FREM2: variants seen among roughly 807,000 people sequenced by gnomAD.
The protein encoded by FREM2 is FRAS1-related extracellular matrix protein 2.
Under a neutral mutation model 219.9 loss-of-function variants are expected in FREM2, and 119 were observed. The observed-to-expected ratio is 0.54, with a 90% CI of 0.47 to 0.63. FREM2 has a LOEUF of 0.63. Ranked by LOEUF, FREM2 falls within the 30% of genes least tolerant of loss-of-function variation. The pLI is 0.00. For synonymous variants in FREM2, 1,562 were observed against 1,522.8 expected, an observed-to-expected ratio of 1.03 and a Z score of -0.60; for missense variants, 4,030 against 3,993.6, an observed-to-expected ratio of 1.01 and a Z score of -0.25.
chr13:38,856,081 A>G (rs1024126976), intron 11 of FREM2, 45 bp from the exon 12 acceptor site: 53 of 1,414,364 alleles, frequency 3.7e-5, no homozygotes, highest in Non-Finnish European at 5.0e-5. Context: ...AAAACTTCTC[A>G]TATTCATATG....
intron 4 of FREM2, among the ~76,000 whole-genome samples, chr13:38,774,046 C>G (rs910147964): frequency 6.6e-6 from 1 of 151,606 alleles, no homozygotes; most frequent in African/African-American, 2.4e-5. Context: ...TAGAGCTCTT[C>G]TTTCCCCTGA....
chr13:38,782,370 A>G (rs2496406), intron 4 of FREM2, among the ~76,000 whole-genome samples: 93,090 of 151,910 alleles, frequency 0.61, 28,960 homozygotes, highest in Non-Finnish European at 0.64. Context: ...TTATTATTTA[A>G]CATGCCCTTT....
chr13:38,822,380 C>T (rs80234526), intron 6 of FREM2, among the ~76,000 whole-genome samples: 4,028 of 133,934 alleles, frequency 0.03, 89 homozygotes, highest in Non-Finnish European at 0.048. Context: ...TTAAGAATCA[C>T]ACTTATTCAG....
intron 4 of FREM2, among the ~76,000 whole-genome samples, chr13:38,776,928 A>G (rs1873893264): frequency 6.6e-6 from 1 of 152,108 alleles, no homozygotes; most frequent in Non-Finnish European, 1.5e-5. Context: ...TATTTCTATA[A>G]TGTAGCCCTT....
chr13:38,874,543 G>A lies in FREM2; in HGVS notation c.8238G>A (p.Lys2746=). The A allele has an allele frequency of 3.7e-6, 6 of 1,614,162 alleles. No homozygotes were observed. Among genetic ancestry groups the A allele is most frequent in the Non-Finnish European group, 4.2e-6 (5 of 1,180,002 alleles). The change falls in exon 18 of 24, where the codon AAG becomes AAA. Residue 2746 remains lysine (K), a synonymous_variant. Transcript: ENST00000280481. ...AGGGGCGCTTGGCCGTGCACTTCAA[G>A]ACAGAGGCTCAGTTCCATGGCTTAT... ...GDEGRLAVHF[K]TEAQFHGLFV...
In FREM2 at chr13:38,851,871, A is replaced by T; in HGVS notation, c.6925+3A>T. On this transcript the variant is annotated splice_donor_region_variant and intron_variant, in intron 11 of 23. Coordinates refer to ENST00000280481, the MANE Select transcript of FREM2 (RefSeq NM_207361.6). ...AGACTACCACCCTGTGTCAGAAGGT[A>T]TGGGGCTCCCAGGGCCTGTCTCCTG... 6.2e-7 allele frequency: 1 copy of T among 1,613,186 alleles called. No homozygotes were observed. Among genetic ancestry groups the T allele is most frequent in the Non-Finnish European group, 8.5e-7 (1 of 1,179,442 alleles).
intron 16 of FREM2, among the ~76,000 whole-genome samples, chr13:38,865,167 TAGTC>T (rs1877916992): frequency 2.0e-5 from 3 of 152,198 alleles, no homozygotes; most frequent in Admixed American, 1.3e-4. Flanking sequence ...ATCATTAACA[TAGTC>T]AGAAGTGTTT....
At chr13:38,862,799 GA>G (rs34825901) in intron 15 of FREM2, among the ~76,000 whole-genome samples, 8 of 150,750 alleles carry the variant, frequency 5.3e-5, no homozygotes, top group South Asian at 4.2e-4. Context: ...AATGTTTGGG[GA>G]AAAAAAAAGA....
At chr13:38,702,783 A>G (rs1174594454) in intron 2 of FREM2, among the ~76,000 whole-genome samples, 1 of 152,152 alleles carries the variant, frequency 6.6e-6, no homozygotes, top group Non-Finnish European at 1.5e-5. Context: ...TGACATAGGC[A>G]TGCAGTCTCA....
intron 2 of FREM2, among the ~76,000 whole-genome samples, chr13:38,715,571 C>A (rs1447334527): frequency 6.6e-6 from 1 of 151,952 alleles, no homozygotes; most frequent in Non-Finnish European, 1.5e-5. Flanking sequence ...GATTTTTAAT[C>A]TACCCAACAA....
At chr13:38,857,153 G>T (rs1271227788) in intron 12 of FREM2, among the ~76,000 whole-genome samples, 1 of 151,972 alleles carries the variant, frequency 6.6e-6, no homozygotes, top group Non-Finnish European at 1.5e-5. Flanking sequence ...AAATTCTTTT[G>T]GGTGAAAAGG....
At position 38,881,632 on chromosome 13, in the gene FREM2, A is replaced by T. The variant is rs1878553302; in HGVS notation, c.*845A>T. On this transcript the variant is annotated 3_prime_UTR_variant, in exon 24 of 24. Transcript: ENST00000280481. The stretch of plus-strand genomic sequence containing the variant: ...TGATGAATAAATGCCATAGAGTTAG[A>T]GTCACTACAAGACAATGTTCTCTAA... The T allele has an allele frequency of 6.6e-6, 1 of 152,640 alleles. No individual in the cohort carries two copies. The highest frequency in any genetic ancestry group is 1.5e-5 in the Non-Finnish European group (1 of 68,088). The allele number at this position is 152,640 out of a possible 1,614,324, so 9.5% of individuals were successfully genotyped here. A position where few individuals can be genotyped will look rare whatever the true frequency, so the allele number is the denominator to read the frequency against.
At position 38,841,505 on chromosome 13, in the gene FREM2, A is replaced by G. The variant is rs562467106; in HGVS notation, c.6020-5068A>G. Among the ~76,000 whole-genome samples, 5 of 152,230 alleles carry G rather than the reference A, an allele frequency of 3.3e-5. No individual in the cohort carries two copies. In the East Asian group the frequency reaches 9.7e-4, roughly 29 times the overall value. ...CGTCTGTATTTTTAAATTGTCTAGG[A>G]TAATTCTAGTATACTTCCTATTTGG... is the stretch of plus-strand genomic sequence containing the variant. On this transcript the variant is annotated intron_variant, in intron 6 of 23. Coordinates refer to ENST00000280481, the MANE Select transcript of FREM2 (RefSeq NM_207361.6).
intron 2 of FREM2, among the ~76,000 whole-genome samples, chr13:38,763,740 G>C (rs1279899162): frequency 6.6e-6 from 1 of 152,144 alleles, no homozygotes; most frequent in Admixed American, 6.5e-5. Flanking sequence ...CTTCAGAGTG[G>C]AATGGAAATC....
Position 38,689,856 on chromosome 13 carries a change from A to G in FREM2, c.2512A>G (p.Thr838Ala), listed in dbSNP as rs749243908. ...QPPEILNTGF[T>A]IQEKGHHILS... ...ACCTGAGATCCTCAACACCGGCTTC[A>G]CTATTCAGGAGAAGGGTCACCACAT... The change falls in exon 1 of 24, where the codon ACT becomes GCT. Residue 838 changes from threonine (T) to alanine (A), a missense_variant. Thr to Ala is a moderately conservative substitution (Grantham distance 58). Around this residue, in one of 2 missense-constraint regions of FREM2, gnomAD observed 3,102 missense variants for 2,950.7 expected, o/e 1.05. Coordinates refer to ENST00000280481, the MANE Select transcript of FREM2 (RefSeq NM_207361.6). 1.2e-6 allele frequency: 2 copies of G among 1,614,164 alleles called. No homozygotes were observed. Among genetic ancestry groups the G allele is most frequent in the South Asian group, 2.2e-5 (2 of 91,086 alleles).
At chr13:38,719,464 GCCCACCTTGGCCT>G (rs1871138885) in intron 2 of FREM2, among the ~76,000 whole-genome samples, 1 of 151,998 alleles carries the variant, frequency 6.6e-6, no homozygotes, top group Non-Finnish European at 1.5e-5. Context: ...TAGGTGATCC[GCCCACCTTGGCCT>G]CCCAAAGTGC....
intron 4 of FREM2, among the ~76,000 whole-genome samples, chr13:38,772,569 T>G (rs865816007): frequency 6.6e-6 from 1 of 152,202 alleles, no homozygotes; most frequent in Admixed American, 6.5e-5. Context: ...ATTCAGTCCC[T>G]TGTAGACATA....
At chr13:38,788,001 C>G (rs1235485983) in intron 6 of FREM2, among the ~76,000 whole-genome samples, 1 of 151,846 alleles carries the variant, frequency 6.6e-6, no homozygotes, top group East Asian at 1.9e-4. Flanking sequence ...CACATCATAT[C>G]TAAAGAAGAA....
chr13:38,821,954 G>C (rs893880185), intron 6 of FREM2: 1 of 152,118 alleles, frequency 6.6e-6, no homozygotes, highest in Admixed American at 6.6e-5. Flanking sequence ...GGAGGAGTCT[G>C]AATCATTGAG....
Sources: allele counts gnomAD v4.1 joint callset (sites outside exome capture counted in the v4.1 genomes callset), GRCh38; gene constraint gnomAD v4.1.1; regional missense constraint gnomAD v4.1.1; transcripts MANE v1.5; gene names NCBI Gene and HGNC (gene_info 2026-07-23, HGNC 2026-07-21).